Variants in GRK5 observed in about 807,000 individuals in gnomAD.
GRK5 encodes G protein-coupled receptor kinase 5.
A neutral mutation model predicts 78.4 loss-of-function variants in GRK5; 40 were observed. That is an observed-to-expected ratio of 0.51 (90% CI 0.40 to 0.66). GRK5 has a LOEUF of 0.66. Among genes scored for constraint, GRK5 ranks in the 30% least tolerant of loss-of-function variants. The pLI, the probability that GRK5 is intolerant of heterozygous loss-of-function variation, is 0.00. For synonymous variants in GRK5, 289 were observed against 296.8 expected (o/e 0.97, Z 0.27); for missense variants, 598 against 759.9 (o/e 0.79, Z 2.50).
chr10:119,380,103 TG>T (rs1277068633), intron 2 of GRK5, among the ~76,000 whole-genome samples: 1 of 152,226 alleles, frequency 6.6e-6, no homozygotes, highest in Non-Finnish European at 1.5e-5. Flanking sequence ...TTTTAAAAAC[TG>T]TATCCATTAG....
chr10:119,453,338 G>T lies in GRK5; in HGVS notation c.1674+62G>T. The T allele has an allele frequency of 2.5e-6, 4 of 1,598,770 alleles. No individual in the cohort carries two copies. In the South Asian group the frequency reaches 4.4e-5, roughly 18 times the overall value. ...TCCGAGACCCCTGGCTCACTTCCAT[G>T]GGAAACGAGAAGACCCACAGTAGAG... On this transcript the variant is annotated intron_variant, in intron 15 of 15. Coordinates refer to ENST00000392870, the MANE Select transcript of GRK5 (RefSeq NM_005308.3).
chr10:119,422,096 A>G (rs753530822), intron 4 of GRK5, among the ~76,000 whole-genome samples: 28 of 152,222 alleles, frequency 1.8e-4, no homozygotes, highest in Non-Finnish European at 3.7e-4. Flanking sequence ...CACTCCCAGC[A>G]ATTTTCTCAA....
intron 3 of GRK5, among the ~76,000 whole-genome samples, chr10:119,389,494 A>G (rs1458912267): frequency 6.6e-6 from 1 of 152,178 alleles, no homozygotes; most frequent in Non-Finnish European, 1.5e-5. Flanking sequence ...CCACTTCTAA[A>G]ATGGGTTTAT....
intron 2 of GRK5, among the ~76,000 whole-genome samples, chr10:119,362,471 T>C (rs1265799347): frequency 6.6e-6 from 1 of 152,246 alleles, no homozygotes; most frequent in Non-Finnish European, 1.5e-5. Context: ...TTTTATGTAA[T>C]AGACAGCAGA....
At chr10:119,408,364 G>A (rs765877475) in intron 4 of GRK5, among the ~76,000 whole-genome samples, 454 of 38,084 alleles carry the variant, frequency 0.012, 2 homozygotes, top group Middle Eastern at 0.056. Flanking sequence ...AAAAAAAAAA[G>A]GCAGAAAACA....
intron 1 of GRK5, among the ~76,000 whole-genome samples, chr10:119,308,509 C>T (rs1379413963): frequency 6.6e-6 from 1 of 152,198 alleles, no homozygotes; most frequent in African/African-American, 2.4e-5. Context: ...AGGAGCAGCC[C>T]ACTCCATGGA....
intron 1 of GRK5, among the ~76,000 whole-genome samples, chr10:119,291,564 CTCCTCT>C (rs1475429014): frequency 4.9e-4 from 73 of 148,256 alleles, no homozygotes; most frequent in Non-Finnish European, 6.0e-4. Context: ...CTTCCTCCTC[CTCCTCT>C]TCCTCCTCCT....
At chr10:119,298,164 C>T (rs1202953960) in intron 1 of GRK5, among the ~76,000 whole-genome samples, 2 of 152,166 alleles carry the variant, frequency 1.3e-5, no homozygotes, top group African/African-American at 4.8e-5. Flanking sequence ...TTGTTTAATC[C>T]TCATGATGCA....
chr10:119,453,149 T>C lies in GRK5; in HGVS notation c.1547T>C (p.Ile516Thr), dbSNP rs769355139. 2.6e-6 allele frequency: 4 copies of C among 1,540,130 alleles called. No homozygotes were observed. The African/African-American group carries it at 4.1e-5, about 16-fold the overall frequency. ...SVSIPWQNEM[I>T]ETECFKELNV... is the part of the protein sequence containing the mutation. Reference sequence around the variant, plus strand: ...TTGTTTTCACGGCCCCTCCAGATGATAGAAACAGAATGCTTTAAGGAGCTG... The same window carrying C: ...TTGTTTTCACGGCCCCTCCAGATGACAGAAACAGAATGCTTTAAGGAGCTG... The change falls in exon 15 of 16, where the codon ATA becomes ACA. Residue 516 changes from isoleucine to threonine, a missense_variant. Physicochemically the swap from Ile to Thr is moderately conservative, Grantham distance 89. Coordinates refer to ENST00000392870, the MANE Select transcript of GRK5 (RefSeq NM_005308.3).
intron 2 of GRK5, among the ~76,000 whole-genome samples, chr10:119,370,733 CTGTT>C (rs1851532679): frequency 6.6e-6 from 1 of 152,172 alleles, no homozygotes; most frequent in Non-Finnish European, 1.5e-5. Flanking sequence ...AATCACTTCT[CTGTT>C]TATTGTTTCA....
intron 1 of GRK5, among the ~76,000 whole-genome samples, chr10:119,300,167 A>G (rs1469605162): frequency 2.0e-5 from 3 of 152,206 alleles, no homozygotes; most frequent in Admixed American, 6.5e-5. Context: ...TGCATGTCTC[A>G]TGACCCTGGG....
intron 2 of GRK5, among the ~76,000 whole-genome samples, chr10:119,343,289 A>T (rs542340546): frequency 6.6e-6 from 1 of 152,122 alleles, no homozygotes; most frequent in Non-Finnish European, 1.5e-5. Context: ...GAGAGAGAAC[A>T]CTTTTGGGTC....
chr10:119,234,260 T>C (rs1260593758), intron 1 of GRK5, among the ~76,000 whole-genome samples: 4 of 152,240 alleles, frequency 2.6e-5, no homozygotes, highest in Non-Finnish European at 5.9e-5. Flanking sequence ...CAGTTGTTGA[T>C]GGAAGAGCCA....
At chr10:119,241,993 A>AATG (rs1849035359) in intron 1 of GRK5, among the ~76,000 whole-genome samples, 2 of 152,180 alleles carry the variant, frequency 1.3e-5, no homozygotes, top group Admixed American at 1.3e-4. Flanking sequence ...TGTATGGTAA[A>AATG]TAAGGGTTGT....
rs142810809 is a variant in GRK5 at position 119,217,602 on chromosome 10, G to A, written c.52+9633G>A. ...GCCAACGAATTGCCCCCAAGGGACT[G>A]GATGTGAAGCCCCATGGGTGGTGGT... On this transcript the variant is annotated intron_variant, in intron 1 of 15. Transcript: ENST00000392870. This position sits in a 1 kb window ranked among gnomAD's most constrained non-coding sequence, Gnocchi z 4.1. Among the ~76,000 whole-genome samples, 603 of 152,330 alleles carry A rather than the reference G, an allele frequency of 4.0e-3. 6 individuals carry two copies. Among genetic ancestry groups the A allele is most frequent in the African/African-American group, 0.014 (563 of 41,568 alleles).
At chr10:119,341,353 C>A (rs1374423258) in intron 2 of GRK5, among the ~76,000 whole-genome samples, 1 of 152,252 alleles carries the variant, frequency 6.6e-6, no homozygotes, top group Non-Finnish European at 1.5e-5. Context: ...GGCCCGGCCT[C>A]TCCGCCCTTG....
intron 4 of GRK5, among the ~76,000 whole-genome samples, chr10:119,404,035 T>C (rs1322060596): frequency 1.3e-5 from 2 of 151,982 alleles, no homozygotes; most frequent in African/African-American, 4.9e-5. Flanking sequence ...TTGGGGTATA[T>C]ACATAGGAGT....
intron 1 of GRK5, among the ~76,000 whole-genome samples, chr10:119,230,914 G>C (rs558843227): frequency 6.7e-6 from 1 of 149,870 alleles, no homozygotes; most frequent in East Asian, 2.0e-4. Flanking sequence ...GAAGACACCA[G>C]ATCTGGCAGC....
intron 4 of GRK5, among the ~76,000 whole-genome samples, chr10:119,422,441 C>T (rs1022956428): frequency 1.7e-4 from 26 of 152,216 alleles, no homozygotes; most frequent in African/African-American, 5.8e-4. Flanking sequence ...AGAGAAACTC[C>T]TATTCCTGAT....
Sources: gnomAD v4.1 joint callset for allele counts (sites outside exome capture counted in the v4.1 genomes callset) on GRCh38, gnomAD v4.1.1 for gene constraint, Gnocchi (gnomAD v3.1) non-coding constraint, MANE v1.5 for transcripts, NCBI Gene and HGNC (gene_info 2026-07-23, HGNC 2026-07-21) for gene names.